Variants in FGGY observed in about 807,000 individuals in gnomAD.
FGGY encodes the protein FGGY carbohydrate kinase domain-containing protein.
Under a neutral mutation model 71.3 loss-of-function variants are expected in FGGY, and 72 were observed. The ratio of observed to expected loss-of-function variants is 1.01; its 90% CI spans 0.84 to 1.23. The LOEUF (loss-of-function observed/expected upper bound fraction) is 1.23, where lower values mean the gene tolerates loss of function less well. Ranked by LOEUF, FGGY falls within the 50% of genes most tolerant of loss-of-function variation. FGGY has a pLI of 0.00. For synonymous variants in FGGY, 251 were observed against 250.3 expected, an observed-to-expected ratio of 1.00 and a Z score of -0.02; for missense variants, 668 against 682.3, an observed-to-expected ratio of 0.98 and a Z score of 0.23.
intron 2 of FGGY, among the ~76,000 whole-genome samples, chr1:59,333,889 G>A (rs1395896843): frequency 6.6e-6 from 1 of 152,170 alleles, no homozygotes; most frequent in African/African-American, 2.4e-5. Context: ...TGTGGGTCAA[G>A]GTACTACCAG....
intron 5 of FGGY, among the ~76,000 whole-genome samples, chr1:59,445,405 ATTCT>A (rs1272789043): frequency 6.6e-6 from 1 of 152,016 alleles, no homozygotes; most frequent in Non-Finnish European, 1.5e-5. Context: ...CTCTTGACAC[ATTCT>A]TTCTTTAACC....
At chr1:59,399,216 C>T (rs139948888) in intron 5 of FGGY, among the ~76,000 whole-genome samples, 163 of 152,250 alleles carry the variant, frequency 1.1e-3, no homozygotes, top group African/African-American at 3.4e-3. Context: ...TTGTTTGCAT[C>T]GGTTTTAGAA....
intron 9 of FGGY, among the ~76,000 whole-genome samples, chr1:59,608,695 C>T (rs991435670): frequency 3.9e-5 from 6 of 151,952 alleles, no homozygotes; most frequent in Non-Finnish European, 7.4e-5. Context: ...TAGCTGGGCT[C>T]GATGGCAGGC....
intron 8 of FGGY, among the ~76,000 whole-genome samples, chr1:59,581,867 C>T (rs912490488): frequency 6.7e-6 from 1 of 149,864 alleles, no homozygotes; most frequent in Non-Finnish European, 1.5e-5. Flanking sequence ...TTTATTAGAG[C>T]TTAAGTGATC....
At chr1:59,465,742 A>C (rs1222349138) in intron 6 of FGGY, among the ~76,000 whole-genome samples, 1 of 152,242 alleles carries the variant, frequency 6.6e-6, no homozygotes, top group Admixed American at 6.5e-5. Context: ...TCATGTATGA[A>C]TTCCCATTCA....
At chr1:59,742,275 T>G (rs942285700) in intron 14 of FGGY, among the ~76,000 whole-genome samples, 23 of 152,168 alleles carry the variant, frequency 1.5e-4, no homozygotes, top group African/African-American at 5.5e-4. Flanking sequence ...TCCACCAAAA[T>G]CATGCTGCCT....
In FGGY at chr1:59,533,719, AC is replaced by A. The variant is rs540392242; in HGVS notation, c.800-20399del. Among the ~76,000 whole-genome samples the A allele has an allele frequency of 1.3e-3, 200 of 152,142 alleles. 2 individuals are homozygous for A. Among genetic ancestry groups the A allele is most frequent in the African/African-American group, 4.5e-3 (185 of 41,484 alleles). ...ACCCCGAGCAGCCTAACTGAGAGGCACCCCCCAGCAGGGGCAGACTGACACC... is the reference window on the plus strand; with the variant it reads ...ACCCCGAGCAGCCTAACTGAGAGGCACCCCCAGCAGGGGCAGACTGACACC... On this transcript the variant is annotated intron_variant, in intron 7 of 15. Coordinates refer to ENST00000303721, the MANE Select transcript of FGGY (RefSeq NM_018291.5).
chr1:59,366,521 G>A (rs1244259352), intron 4 of FGGY, among the ~76,000 whole-genome samples: 1 of 151,960 alleles, frequency 6.6e-6, no homozygotes, highest in Non-Finnish European at 1.5e-5. Flanking sequence ...CAGATATATG[G>A]CCACACACAA....
At chr1:59,592,139 C>T (rs938645311) in intron 8 of FGGY, among the ~76,000 whole-genome samples, 3 of 152,184 alleles carry the variant, frequency 2.0e-5, no homozygotes, top group African/African-American at 7.2e-5. Flanking sequence ...TGAACAGACA[C>T]TTCTCAAAAG....
At chr1:59,414,723 C>T (rs1363094369) in intron 5 of FGGY, among the ~76,000 whole-genome samples, 1 of 152,178 alleles carries the variant, frequency 6.6e-6, no homozygotes, top group East Asian at 1.9e-4. Context: ...TACGAGCAGG[C>T]CCTGGGGAGA....
intron 5 of FGGY, among the ~76,000 whole-genome samples, chr1:59,448,559 G>C (rs1190749432): frequency 2.6e-5 from 4 of 152,096 alleles, no homozygotes; most frequent in Non-Finnish European, 5.9e-5. Flanking sequence ...TAAAGATCTA[G>C]GCTTTATAAT....
intron 1 of FGGY, among the ~76,000 whole-genome samples, chr1:59,311,137 C>T (rs1027346167): frequency 6.6e-6 from 1 of 152,128 alleles, no homozygotes; most frequent in African/African-American, 2.4e-5. Context: ...TTTGAAACTT[C>T]ATTCTCTGTG....
intron 14 of FGGY, among the ~76,000 whole-genome samples, chr1:59,706,588 A>C (rs1396020031): frequency 2.0e-5 from 3 of 152,212 alleles, no homozygotes; most frequent in African/African-American, 7.2e-5. Flanking sequence ...TACTTCATGG[A>C]ATTGCTGGGC....
At chr1:59,674,159 G>T (rs2097411291) in intron 14 of FGGY, 26 bp downstream of exon 14, 5 of 1,576,190 alleles carry the variant, frequency 3.2e-6, no homozygotes, top group African/African-American at 1.3e-5. Context: ...GGGGTGGGCT[G>T]TGGCTCCTCC....
chr1:59,641,227 C>T, intron 11 of FGGY: 1 of 1,419,196 alleles, frequency 7.0e-7, no homozygotes, highest in Non-Finnish European at 9.8e-7. Context: ...GATAGATTGC[C>T]TTTAGCATTT....
intron 5 of FGGY, among the ~76,000 whole-genome samples, chr1:59,388,187 C>G (rs2060296642): frequency 6.6e-6 from 1 of 152,158 alleles, no homozygotes. Context: ...AACCCTATCT[C>G]AAGTCTAGCA....
intron 6 of FGGY, among the ~76,000 whole-genome samples, chr1:59,508,263 A>G (rs997053586): frequency 5.9e-5 from 9 of 152,144 alleles, no homozygotes; most frequent in African/African-American, 4.8e-5. Flanking sequence ...GTTTTTCATC[A>G]TCTTTGTCCC....
intron 5 of FGGY, among the ~76,000 whole-genome samples, chr1:59,425,702 A>T (rs576097000): frequency 1.3e-5 from 2 of 151,900 alleles, no homozygotes; most frequent in Non-Finnish European, 2.9e-5. Context: ...TCCTTTTCCC[A>T]CTGTTTTTTC....
intron 2 of FGGY, among the ~76,000 whole-genome samples, chr1:59,323,970 G>GT (rs1037277527): frequency 6.6e-6 from 1 of 152,152 alleles, no homozygotes; most frequent in African/African-American, 2.4e-5. Context: ...TTCTTACTGT[G>GT]TAACACTTTG....
Sources: allele counts gnomAD v4.1 joint callset (sites outside exome capture counted in the v4.1 genomes callset), GRCh38; gene constraint gnomAD v4.1.1; transcripts MANE v1.5; gene names NCBI Gene and HGNC (gene_info 2026-07-23, HGNC 2026-07-21).